Variants in POLR1A observed in about 807,000 individuals in gnomAD.
POLR1A encodes the protein RNA polymerase I subunit A.
POLR1A carries 84 observed loss-of-function variants against 205.3 expected under a neutral mutation model. The ratio of observed to expected loss-of-function variants is 0.41; its 90% CI spans 0.34 to 0.49. POLR1A has a LOEUF of 0.49. POLR1A is among the 20% of genes least tolerant of loss of function. The pLI, the probability that POLR1A is intolerant of heterozygous loss-of-function variation, is 0.22. For missense variants in POLR1A, 1,645 were observed against 2,204.5 expected (o/e 0.75, Z 5.08); for synonymous variants, 799 against 863.7 (o/e 0.93, Z 1.31).
At position 86,040,538 on chromosome 2, in the gene POLR1A, CA is replaced by C; in HGVS notation, c.3593del (p.Leu1198ArgfsTer29). 1 of 1,590,282 alleles carries C rather than the reference CA, an allele frequency of 6.3e-7. No individual in the cohort carries two copies. ...GCTCACACAGTGAGCGCTGCCACTT[CA>C]GCTGCAGCAAGGTCCTCAACCTAGA... Reference protein sequence around the residue: ...SLDRLRTLLQLKWQRSLCEPG... With the variant: ...SLDRLRTLLQXKWQRSLCEPG... On this transcript the variant is annotated frameshift_variant, in exon 25 of 34. Transcript: ENST00000263857. LOFTEE classifies it high-confidence loss of function.
In POLR1A at chr2:86,030,403, AAGG is replaced by A; in HGVS notation, c.4579-10_4579-8del. 6.2e-7 allele frequency: 1 copy of A among 1,607,098 alleles called. No homozygotes were observed. Among genetic ancestry groups the A allele is most frequent in the Non-Finnish European group, 8.5e-7 (1 of 1,173,980 alleles). On this transcript the variant is annotated splice_region_variant and splice_polypyrimidine_tract_variant and intron_variant, in intron 30 of 33. Coordinates refer to ENST00000263857, the MANE Select transcript of POLR1A (RefSeq NM_015425.6). ...GAGGGAGCTTCACTGTCACCTGCAA[AAGG>A]AGGGAGAGCTGGGTAGGGTGACAGC...
In POLR1A at chr2:86,028,143, GCTTGGGAGTTAGA is replaced by G; in HGVS notation, c.4898-107_4898-95del. On this transcript the variant is annotated intron_variant, in intron 32 of 33. Coordinates refer to ENST00000263857, the MANE Select transcript of POLR1A (RefSeq NM_015425.6). The surrounding 1 kb of genome is among the most constrained non-coding windows in gnomAD (Gnocchi z 4.5). ...CAAGCTGCCTCCACATCAGCACATGGCTTGGGAGTTAGACTCTGGGGCTCCCCTTCAGCTCCGC... is the reference window on the plus strand; with the variant it reads ...CAAGCTGCCTCCACATCAGCACATGGCTCTGGGGCTCCCCTTCAGCTCCGC... 8.3e-7 allele frequency: 1 copy of G among 1,210,086 alleles called. No individual in the cohort carries two copies. Among genetic ancestry groups the G allele is most frequent in the Non-Finnish European group, 1.2e-6 (1 of 822,582 alleles). 75.0% of individuals were successfully genotyped at this position (1,210,086 alleles called of 1,614,324 possible).
intron 23 of POLR1A, 63 bp downstream of exon 23, chr2:86,042,911 T>C (rs886544171): frequency 8.5e-7 from 1 of 1,181,550 alleles, no homozygotes; most frequent in Non-Finnish European, 1.3e-6. Flanking sequence ...CAGCCCCTCA[T>C]CCCTCACCCA....
chr2:86,083,526 A>T (rs557304010), intron 6 of POLR1A, among the ~76,000 whole-genome samples: 7 of 152,302 alleles, frequency 4.6e-5, no homozygotes, highest in African/African-American at 1.7e-4. Flanking sequence ...TATTTTGCAC[A>T]CTACTTTGCC....
At chr2:86,078,847 T>C (rs534071299) in intron 9 of POLR1A, among the ~76,000 whole-genome samples, 9 of 152,338 alleles carry the variant, frequency 5.9e-5, no homozygotes, top group South Asian at 2.1e-4. Flanking sequence ...CCAAGTCTCA[T>C]TGGAATATTT....
At position 86,081,664 on chromosome 2, in the gene POLR1A, C is replaced by A. The variant is rs372995777; in HGVS notation, c.860G>T (p.Gly287Val). 25 of 1,612,002 alleles carry A rather than the reference C, an allele frequency of 1.6e-5. No individual in the cohort carries two copies. The highest frequency in any genetic ancestry group is 2.1e-5 in the Non-Finnish European group (25 of 1,179,218). The part of the protein sequence containing the change: ...NYLFSGMDDD[G>V]MESRFNPSVF... ...ACTGGGATTGAATCTGGATTCCATACCATCATCATCCATTCCCGAAAAAAG... is the reference window on the plus strand; with the variant it reads ...ACTGGGATTGAATCTGGATTCCATAACATCATCATCCATTCCCGAAAAAAG... Residue 287 changes from glycine to valine, a missense_variant, in exon 8 of 34, where the codon GGT becomes GTT. By Grantham distance (109) the Gly-to-Val change is moderately radical. Coordinates refer to ENST00000263857, the MANE Select transcript of POLR1A (RefSeq NM_015425.6).
At chr2:86,053,745 T>G (rs1276683839) in intron 15 of POLR1A, among the ~76,000 whole-genome samples, 2 of 152,142 alleles carry the variant, frequency 1.3e-5, no homozygotes, top group Non-Finnish European at 2.9e-5. Flanking sequence ...TGTGGACAGC[T>G]CTCTCTGCCC....
Position 86,080,982 on chromosome 2 carries a change from C to A in POLR1A, c.924-4G>T. 6.2e-7 allele frequency: 1 copy of A among 1,608,366 alleles called. No homozygotes were observed. Among genetic ancestry groups the A allele is most frequent in the Non-Finnish European group, 8.5e-7 (1 of 1,177,090 alleles). On this transcript the variant is annotated splice_polypyrimidine_tract_variant and splice_region_variant and intron_variant, in intron 8 of 33. Coordinates refer to ENST00000263857, the MANE Select transcript of POLR1A (RefSeq NM_015425.6). ...TAGGCGACTGACTGGGCGATACCTG[C>A]AGGGGGACATACGGAATAAATGAAT...
chr2:86,046,573 C>A (rs940256217), intron 19 of POLR1A, among the ~76,000 whole-genome samples: 1 of 151,924 alleles, frequency 6.6e-6, no homozygotes, highest in Admixed American at 6.6e-5. Context: ...CGGCCAGGTG[C>A]GGTGGCTCAT....
chr2:86,070,074 C>T lies in POLR1A; in HGVS notation c.1810G>A (p.Gly604Ser). The change falls in exon 13 of 34, where the codon GGC (glycine) becomes AGC (serine). Residue 604 changes from glycine (G) to serine (S), a missense_variant. Transcript: ENST00000263857. This position sits in a 1 kb window ranked among gnomAD's most constrained non-coding sequence, Gnocchi z 4.4. Reference sequence around the variant, plus strand: ...GCCAGGACGTAGGCCTCGGCCCGGCCCAGCTCACTCTGGGGGAAATGGGCA... The same window carrying T: ...GCCAGGACGTAGGCCTCGGCCCGGCTCAGCTCACTCTGGGGGAAATGGGCA... ...MNAHFPQSEL[G>S]RAEAYVLACT... is the part of the protein sequence containing the mutation. 6.2e-7 allele frequency: 1 copy of T among 1,614,130 alleles called. No individual in the cohort carries two copies. The highest frequency in any genetic ancestry group is 8.5e-7 in the Non-Finnish European group (1 of 1,180,004).
chr2:86,043,311 G>A, intron 22 of POLR1A, 116 bp from the exon 23 acceptor site: 1 of 788,580 alleles, frequency 1.3e-6, no homozygotes, highest in South Asian at 1.6e-5. Flanking sequence ...GGCTGGTGTG[G>A]AGCCCTCATG....
At chr2:86,092,438 T>C (rs1281385467) in intron 3 of POLR1A, among the ~76,000 whole-genome samples, 1 of 152,212 alleles carries the variant, frequency 6.6e-6, no homozygotes, top group African/African-American at 2.4e-5. Flanking sequence ...AGACAACTAG[T>C]CCCTGTGAGG....
intron 28 of POLR1A, 60 bp from the exon 29 acceptor site, chr2:86,032,442 C>T: frequency 1.2e-5 from 14 of 1,188,488 alleles, no homozygotes; most frequent in East Asian, 2.3e-5. Context: ...TCAGTGAATC[C>T]ATCCATCCAC....
chr2:86,034,925 C>T (rs1672467149), intron 27 of POLR1A, among the ~76,000 whole-genome samples: 1 of 152,118 alleles, frequency 6.6e-6, no homozygotes, highest in South Asian at 2.1e-4. Context: ...GGCTGGAGTG[C>T]AGTGGTGCGA....
rs1302705742 is a variant in POLR1A at position 86,023,211 on chromosome 2, C to G, written c.*4212G>C. ...AATTGAAGTAAAACTGCACCAGGGT[C>G]AGGAGACCTGCGGTAGGCCCAGCAA... is the stretch of plus-strand genomic sequence containing the variant. On this transcript the variant is annotated 3_prime_UTR_variant, in exon 34 of 34. Coordinates refer to ENST00000263857, the MANE Select transcript of POLR1A (RefSeq NM_015425.6). The G allele has an allele frequency of 6.6e-6, 1 of 152,202 alleles. No homozygotes were observed. Among genetic ancestry groups the G allele is most frequent in the Non-Finnish European group, 1.5e-5 (1 of 68,046 alleles). 9.4% of individuals were successfully genotyped at this position (152,202 alleles called of 1,614,324 possible).
rs79962643 is a variant in POLR1A at position 86,068,995 on chromosome 2, G to C, written c.1866+1023C>G. The stretch of plus-strand genomic sequence containing the variant: ...TAGCACAAACCCTAGGAAGATCCAG[G>C]AACTCCTTGTCCTTCCTGCTGCTTC... On this transcript the variant is annotated intron_variant, in intron 13 of 33. Transcript: ENST00000263857. Among the ~76,000 whole-genome samples, 605 of 152,362 alleles carry C rather than the reference G, an allele frequency of 4.0e-3. 19 individuals are homozygous for C. The East Asian group carries it at 0.09, about 23-fold the overall frequency.
chr2:86,054,254 C>G lies in POLR1A; in HGVS notation c.2094G>C (p.Glu698Asp). The G allele has an allele frequency of 6.2e-7, 1 of 1,613,948 alleles. No individual in the cohort carries two copies. The highest frequency in any genetic ancestry group is 8.5e-7 in the Non-Finnish European group (1 of 1,179,910). ...VSTLLINIIP[E>D]DHIPLNLSGK... is the part of the protein sequence containing the mutation. ...CAGATAAGTTCAGTGGGATGTGGTC[C>G]TCTGGGATTATATTTATGAGCAGCG... Residue 698 changes from glutamate to aspartate, a missense_variant, in exon 15 of 34, where the codon GAG becomes GAC. Glu to Asp is a conservative substitution (Grantham distance 45). Coordinates refer to ENST00000263857, the MANE Select transcript of POLR1A (RefSeq NM_015425.6).
chr2:86,085,194 C>G (rs1015070159), intron 6 of POLR1A, among the ~76,000 whole-genome samples: 12 of 152,144 alleles, frequency 7.9e-5, no homozygotes, highest in African/African-American at 2.4e-4. Flanking sequence ...ATCTACTGAT[C>G]TTGCAATCCG....
chr2:86,090,843 T>C (rs1301822535), intron 3 of POLR1A, among the ~76,000 whole-genome samples: 1 of 152,220 alleles, frequency 6.6e-6, no homozygotes, highest in Non-Finnish European at 1.5e-5. Context: ...CTACTCCAGA[T>C]GCTGAGGCAG....
Sources: allele counts gnomAD v4.1 joint callset (sites outside exome capture counted in the v4.1 genomes callset), GRCh38; gene constraint gnomAD v4.1.1; non-coding constraint Gnocchi (gnomAD v3.1); transcripts MANE v1.5; gene names NCBI Gene and HGNC (gene_info 2026-07-23, HGNC 2026-07-21).